DLGAP1: variants seen among roughly 807,000 people sequenced by gnomAD.
DLGAP1 encodes disks large-associated protein 1.
In DLGAP1, 11 loss-of-function variants were observed where a neutral mutation model predicts 90.8. The ratio of observed to expected loss-of-function variants is 0.12; its 90% CI spans 0.08 to 0.20. The LOEUF (loss-of-function observed/expected upper bound fraction) is 0.20, where lower values mean the gene tolerates loss of function less well. DLGAP1 is among the 10% of genes least tolerant of loss of function. The pLI, the probability that DLGAP1 is intolerant of heterozygous loss-of-function variation, is 1.00. For synonymous variants in DLGAP1, 558 were observed against 540.7 expected, an observed-to-expected ratio of 1.03 and a Z score of -0.44; for missense variants, 1,050 against 1,333.8, an observed-to-expected ratio of 0.79 and a Z score of 3.31.
rs139777526 is a variant in DLGAP1, at chr18:3,506,859, G to C, written c.2571+1711C>G. Among the ~76,000 whole-genome samples, 562 of 151,990 alleles carry C rather than the reference G, an allele frequency of 3.7e-3. 3 individuals carry two copies. The highest frequency in any genetic ancestry group is 0.013 in the African/African-American group (548 of 41,558). On this transcript the variant is annotated intron_variant, in intron 11 of 12. Coordinates refer to ENST00000315677, the MANE Select transcript of DLGAP1 (RefSeq NM_004746.4). ...GCAAATTAACAGGAGTTCTGTACCTGGCCCACAGCTGAAGCTTGATAGAAT... is the reference window on the plus strand; with the variant it reads ...GCAAATTAACAGGAGTTCTGTACCTCGCCCACAGCTGAAGCTTGATAGAAT...
Position 3,637,944 on chromosome 18 carries a change from C to CTTTT in DLGAP1, c.1592-55700_1592-55697dup, listed in dbSNP as rs56346479. On this transcript the variant is annotated intron_variant, in intron 7 of 12. Transcript: ENST00000315677. The stretch of plus-strand genomic sequence containing the variant: ...TATTGTAGGTTTTTGTGCTAGGTAG[C>CTTTT]TTTTTTTTTTTTTTTTTTTTGAGAC... Among the ~76,000 whole-genome samples, 62 of 109,390 alleles carry CTTTT rather than the reference C, an allele frequency of 5.7e-4. 1 individual carries two copies. Among genetic ancestry groups the CTTTT allele is most frequent in the African/African-American group, 1.3e-3 (36 of 27,764 alleles). 71.8% of individuals were successfully genotyped at this position (109,390 alleles called of 152,430 possible).
chr18:4,259,414 T>C (rs1742505664), intron 1 of DLGAP1, among the ~76,000 whole-genome samples: 1 of 152,212 alleles, frequency 6.6e-6, no homozygotes, highest in South Asian at 2.1e-4. Flanking sequence ...ACAGATTGGA[T>C]ACTCTGAGGT....
At chr18:4,204,273 A>G (rs1015432229) in intron 1 of DLGAP1, among the ~76,000 whole-genome samples, 1 of 152,232 alleles carries the variant, frequency 6.6e-6, no homozygotes, top group African/African-American at 2.4e-5. Flanking sequence ...AGCAGCCTCA[A>G]AAACACAGCA....
At chr18:3,594,976 G>C (rs1043171685) in intron 7 of DLGAP1, among the ~76,000 whole-genome samples, 17 of 152,224 alleles carry the variant, frequency 1.1e-4, no homozygotes, top group African/African-American at 3.9e-4. Flanking sequence ...TGCAGGCCCA[G>C]CTACCCAGAG....
intron 1 of DLGAP1, among the ~76,000 whole-genome samples, chr18:4,356,856 C>G (rs1330587566): frequency 6.6e-6 from 1 of 152,146 alleles, no homozygotes; most frequent in African/African-American, 2.4e-5. Flanking sequence ...TTGCTCTGCT[C>G]TAGTCCACTG....
At chr18:4,441,098 G>A (rs551327218) in intron 1 of DLGAP1, among the ~76,000 whole-genome samples, 10 of 152,234 alleles carry the variant, frequency 6.6e-5, no homozygotes, top group African/African-American at 1.9e-4. Flanking sequence ...TTGTCTGAGC[G>A]GCACCAAAGC....
At chr18:3,919,033 C>A (rs1334883272) in intron 3 of DLGAP1, among the ~76,000 whole-genome samples, 1 of 152,154 alleles carries the variant, frequency 6.6e-6, no homozygotes, top group Non-Finnish European at 1.5e-5. Flanking sequence ...CATGCACAGT[C>A]CAATGAGAAT....
chr18:3,978,848 T>G (rs940391790), intron 3 of DLGAP1, among the ~76,000 whole-genome samples: 1 of 152,280 alleles, frequency 6.6e-6, no homozygotes, highest in South Asian at 2.1e-4. Context: ...CAGATCTTGA[T>G]GGACAGAGGC....
intron 3 of DLGAP1, among the ~76,000 whole-genome samples, chr18:3,893,776 A>G (rs1464403659): frequency 6.6e-6 from 1 of 151,984 alleles, no homozygotes; most frequent in African/African-American, 2.4e-5. Context: ...TACTTTTAGT[A>G]CTTTGAGAAC....
chr18:4,009,257 C>A (rs926179266), intron 2 of DLGAP1, among the ~76,000 whole-genome samples: 1 of 152,126 alleles, frequency 6.6e-6, no homozygotes, highest in African/African-American at 2.4e-5. Flanking sequence ...TGACTTCTGA[C>A]CCAATCTGCA....
At chr18:3,853,806 G>A (rs1033126076) in intron 4 of DLGAP1, among the ~76,000 whole-genome samples, 1 of 151,890 alleles carries the variant, frequency 6.6e-6, no homozygotes, top group African/African-American at 2.4e-5. Flanking sequence ...TTCAAATTAG[G>A]CACACTCAAC....
intron 3 of DLGAP1, among the ~76,000 whole-genome samples, chr18:3,915,069 G>A (rs956643961): frequency 1.3e-5 from 2 of 152,200 alleles, no homozygotes; most frequent in East Asian, 1.9e-4. Context: ...ACAGGTGTGA[G>A]GTGGTATCTC....
chr18:3,797,331 A>G (rs2066047705), intron 5 of DLGAP1, among the ~76,000 whole-genome samples: 1 of 151,890 alleles, frequency 6.6e-6, no homozygotes, highest in Non-Finnish European at 1.5e-5. Context: ...TCAGGAAAAA[A>G]AAAAAAAAAG....
intron 1 of DLGAP1, among the ~76,000 whole-genome samples, chr18:4,205,920 G>A (rs969257081): frequency 6.6e-6 from 1 of 152,308 alleles, no homozygotes; most frequent in Non-Finnish European, 1.5e-5. Context: ...AAGGATGGGC[G>A]TGGGGGTAGA....
At chr18:4,249,674 A>G (rs565458193) in intron 1 of DLGAP1, among the ~76,000 whole-genome samples, 1 of 152,046 alleles carries the variant, frequency 6.6e-6, no homozygotes, top group Non-Finnish European at 1.5e-5. Flanking sequence ...TGTAGCCTCT[A>G]TCTCCACGGT....
intron 1 of DLGAP1, among the ~76,000 whole-genome samples, chr18:4,390,566 T>A (rs2082320901): frequency 6.6e-6 from 1 of 152,212 alleles, no homozygotes; most frequent in Non-Finnish European, 1.5e-5. Flanking sequence ...CAAATCCTTT[T>A]ACTATCTCCA....
rs16945649 is a variant in DLGAP1 at position 3,918,674 on chromosome 18, A to G, written c.-72-38534T>C. Among the ~76,000 whole-genome samples the G allele has an allele frequency of 9.2e-3, 1,396 of 152,304 alleles. 12 individuals are homozygous for G. Among genetic ancestry groups the G allele is most frequent in the South Asian group, 0.028 (135 of 4,828 alleles). The stretch of plus-strand genomic sequence containing the variant: ...GTTATGGGTTGTTCCAGGGACTGGC[A>G]TTCTGAGCAAAGACTACCCTTCCTG... On this transcript the variant is annotated intron_variant, in intron 3 of 12. Coordinates refer to ENST00000315677, the MANE Select transcript of DLGAP1 (RefSeq NM_004746.4).
chr18:4,100,874 C>G (rs926865303), intron 2 of DLGAP1, among the ~76,000 whole-genome samples: 1 of 152,212 alleles, frequency 6.6e-6, no homozygotes, highest in Admixed American at 6.5e-5. Context: ...TCTTTCTCAT[C>G]TCTTTCAGCC....
At chr18:3,877,186 G>C (rs1312171699) in intron 4 of DLGAP1, among the ~76,000 whole-genome samples, 1 of 152,150 alleles carries the variant, frequency 6.6e-6, no homozygotes, top group African/African-American at 2.4e-5. Context: ...ATTTGCTATA[G>C]CATCTGGTAT....
Sources: gnomAD v4.1 joint callset for allele counts (sites outside exome capture counted in the v4.1 genomes callset) on GRCh38, gnomAD v4.1.1 for gene constraint, MANE v1.5 for transcripts, NCBI Gene and HGNC (gene_info 2026-07-23, HGNC 2026-07-21) for gene names.